Variants in SGCZ observed in about 807,000 individuals in gnomAD.
SGCZ encodes zeta-sarcoglycan.
SGCZ carries 40 observed loss-of-function variants against 41.3 expected under a neutral mutation model. That is an observed-to-expected ratio of 0.97 (90% CI 0.75 to 1.26). The LOEUF (loss-of-function observed/expected upper bound fraction) is 1.26, where lower values mean the gene tolerates loss of function less well. Ranked by LOEUF, SGCZ falls within the 50% of genes most tolerant of loss-of-function variation. SGCZ has a pLI of 0.00. For missense variants in SGCZ, 552 were observed against 369.8 expected, an observed-to-expected ratio of 1.49 and a Z score of -4.04; for synonymous variants, 206 against 137.5, an observed-to-expected ratio of 1.50 and a Z score of -3.49.
chr8:14,747,539 A>C (rs1423865693), intron 1 of SGCZ, among the ~76,000 whole-genome samples: 2 of 152,112 alleles, frequency 1.3e-5, no homozygotes, highest in African/African-American at 4.8e-5. Context: ...GATTATCAAC[A>C]AGAAAAATCC....
chr8:14,263,243 G>A (rs1443958229), intron 3 of SGCZ, among the ~76,000 whole-genome samples: 1 of 152,148 alleles, frequency 6.6e-6, no homozygotes, highest in African/African-American at 2.4e-5. Context: ...ACAGTAATAT[G>A]TTTTAAGTCT....
intron 1 of SGCZ, among the ~76,000 whole-genome samples, chr8:15,120,642 T>TA (rs921140966): frequency 1.2e-4 from 19 of 152,206 alleles, no homozygotes; most frequent in African/African-American, 4.6e-4. Context: ...TGGACTTTTA[T>TA]AAAGGTTCCA....
At chr8:14,399,812 T>C (rs1475261450) in intron 2 of SGCZ, among the ~76,000 whole-genome samples, 1 of 152,154 alleles carries the variant, frequency 6.6e-6, no homozygotes, top group Non-Finnish European at 1.5e-5. Context: ...AATATTAATC[T>C]ACAATTTGAT....
intron 2 of SGCZ, among the ~76,000 whole-genome samples, chr8:14,464,751 T>A (rs1801001892): frequency 6.6e-6 from 1 of 151,616 alleles, no homozygotes; most frequent in African/African-American, 2.4e-5. Flanking sequence ...CATGTAACAC[T>A]GATTTTGGTG....
intron 3 of SGCZ, among the ~76,000 whole-genome samples, chr8:14,268,192 G>A (rs565333718): frequency 1.1e-4 from 17 of 148,980 alleles, no homozygotes; most frequent in African/African-American, 3.7e-4. Context: ...CTGGGAATAC[G>A]GTAGACTATA....
chr8:14,938,215 G>A (rs1800147870), intron 1 of SGCZ, among the ~76,000 whole-genome samples: 1 of 152,088 alleles, frequency 6.6e-6, no homozygotes, highest in South Asian at 2.1e-4. Flanking sequence ...ACTGGAAATA[G>A]CGTTAGAATA....
At chr8:15,007,302 A>C (rs1476228142) in intron 1 of SGCZ, among the ~76,000 whole-genome samples, 1 of 152,230 alleles carries the variant, frequency 6.6e-6, no homozygotes, top group East Asian at 1.9e-4. Context: ...AAGATTGCAC[A>C]AAATACCGTC....
At position 14,545,046 on chromosome 8, in the gene SGCZ, A is replaced by G. The variant is rs574463506; in HGVS notation, c.234+9686T>C. Among the ~76,000 whole-genome samples the G allele has an allele frequency of 9.9e-5, 15 of 152,190 alleles. No individual in the cohort carries two copies. The South Asian group carries it at 3.1e-3, about 32-fold the overall frequency. ...GAGCATCAAGTCCTACAGATATGTGATGTCACCCCTAGCGGCCCAGCTGTA... is the reference window on the plus strand; with the variant it reads ...GAGCATCAAGTCCTACAGATATGTGGTGTCACCCCTAGCGGCCCAGCTGTA... On this transcript the variant is annotated intron_variant, in intron 2 of 7. Transcript: ENST00000382080.
intron 1 of SGCZ, among the ~76,000 whole-genome samples, chr8:15,021,074 A>T (rs1293820437): frequency 6.6e-6 from 1 of 152,226 alleles, no homozygotes; most frequent in African/African-American, 2.4e-5. Flanking sequence ...AGTGCTTTGG[A>T]TATAAATGAA....
intron 2 of SGCZ, among the ~76,000 whole-genome samples, chr8:14,427,097 T>C (rs928864196): frequency 1.3e-5 from 2 of 151,840 alleles, no homozygotes; most frequent in Non-Finnish European, 2.9e-5. Flanking sequence ...AGTGAATGAA[T>C]GAATGAGTGA....
At position 14,953,939 on chromosome 8, in the gene SGCZ, A is replaced by G. The variant is rs547449113; in HGVS notation, c.39+283646T>C. Among the ~76,000 whole-genome samples the G allele has an allele frequency of 3.3e-5, 5 of 152,266 alleles. No individual in the cohort carries two copies. The East Asian group carries it at 9.6e-4, about 29-fold the overall frequency. On this transcript the variant is annotated intron_variant, in intron 1 of 7. Coordinates refer to ENST00000382080, the MANE Select transcript of SGCZ (RefSeq NM_139167.4). ...GAGATACTGGCTAAATATTTTTTTC[A>G]TCCCCAGTCCTTTCAGTGTTACTGA...
At chr8:15,208,544 A>G (rs1002525358) in intron 1 of SGCZ, among the ~76,000 whole-genome samples, 6 of 152,186 alleles carry the variant, frequency 3.9e-5, no homozygotes, top group African/African-American at 1.4e-4. Flanking sequence ...AGTAACTTAC[A>G]AAAGCCAATT....
chr8:14,430,642 G>C (rs947436442), intron 2 of SGCZ, among the ~76,000 whole-genome samples: 21 of 152,104 alleles, frequency 1.4e-4, no homozygotes, highest in Non-Finnish European at 2.9e-5. Flanking sequence ...AATGAGACAA[G>C]GATGCCCACT....
intron 1 of SGCZ, among the ~76,000 whole-genome samples, chr8:15,042,113 A>G (rs1473409210): frequency 2.0e-5 from 3 of 152,190 alleles, no homozygotes; most frequent in African/African-American, 7.2e-5. Flanking sequence ...AAGATGATAA[A>G]GACACTGTCT....
Position 14,568,663 on chromosome 8 carries a change from T to C in SGCZ, c.40-13737A>G, listed in dbSNP as rs753904147. Among the ~76,000 whole-genome samples the C allele has an allele frequency of 1.8e-4, 28 of 152,140 alleles. 1 individual carries two copies. Among genetic ancestry groups the C allele is most frequent in the Non-Finnish European group, 3.7e-4 (25 of 68,022 alleles). On this transcript the variant is annotated intron_variant, in intron 1 of 7. Coordinates refer to ENST00000382080, the MANE Select transcript of SGCZ (RefSeq NM_139167.4). ...TGACAAAAGATATGAAAAATCACTT[T>C]TGTTGATTGCCTGCTTCTTCCTGTC...
rs1431395423 is a variant in SGCZ at position 14,309,321 on chromosome 8, T to C, written c.336+14782A>G. ...CTTTTTAAGGATGGTATTGAGACTA[T>C]GTGGGAAGATGAGAAAAACAAATGG... On this transcript the variant is annotated intron_variant, in intron 3 of 7. Transcript: ENST00000382080. The C allele has an allele frequency of 7.5e-6, 12 of 1,596,656 alleles. No homozygotes were observed. In the Admixed American group the frequency reaches 8.4e-5, roughly 11 times the overall value.
At chr8:14,993,762 G>T (rs1267382235) in intron 1 of SGCZ, among the ~76,000 whole-genome samples, 1 of 152,160 alleles carries the variant, frequency 6.6e-6, no homozygotes, top group Non-Finnish European at 1.5e-5. Context: ...ATAGGCAGAA[G>T]AATAATAGGG....
At chr8:14,190,349 T>TTATGTATG (rs1036358509) in intron 4 of SGCZ, among the ~76,000 whole-genome samples, 1 of 151,622 alleles carries the variant, frequency 6.6e-6, no homozygotes, top group Non-Finnish European at 1.5e-5. Context: ...TAATATCCCA[T>TTATGTATG]TATGTATGTA....
intron 1 of SGCZ, among the ~76,000 whole-genome samples, chr8:14,831,791 T>TGTACACATACATGTATATATGC (rs1413278155): frequency 3.3e-5 from 5 of 151,942 alleles, no homozygotes; most frequent in African/African-American, 9.7e-5. Flanking sequence ...TATATATGTG[T>TGTACACATACATGTATATATGC]GTACACATAC....
Sources: allele counts gnomAD v4.1 joint callset (sites outside exome capture counted in the v4.1 genomes callset), GRCh38; gene constraint gnomAD v4.1.1; transcripts MANE v1.5; gene names NCBI Gene and HGNC (gene_info 2026-07-23, HGNC 2026-07-21).